Variants in FMN2 observed in about 807,000 individuals in gnomAD.
FMN2 encodes formin-2.
A neutral mutation model predicts 142.3 loss-of-function variants in FMN2; 51 were observed. That is an observed-to-expected ratio of 0.36 (90% CI 0.29 to 0.45). The LOEUF is 0.45. Ranked by LOEUF, FMN2 falls within the 20% of genes least tolerant of loss-of-function variation. The pLI is 1.00. For synonymous variants in FMN2, 882 were observed against 869.8 expected, an observed-to-expected ratio of 1.01 and a Z score of -0.25; for missense variants, 1,936 against 2,122.8, an observed-to-expected ratio of 0.91 and a Z score of 1.73.
At chr1:240,110,535 C>G (rs1248726687) in intron 1 of FMN2, among the ~76,000 whole-genome samples, 1 of 152,188 alleles carries the variant, frequency 6.6e-6, no homozygotes, top group Non-Finnish European at 1.5e-5. Flanking sequence ...TGAATAAAAA[C>G]TTACCCCCTA....
chr1:240,285,182 G>T, intron 7 of FMN2: 1 of 454,582 alleles, frequency 2.2e-6, no homozygotes, highest in Non-Finnish European at 4.4e-6. Flanking sequence ...AGAATGGGGT[G>T]GTAGGGGTGG....
At chr1:240,387,010 C>CAA (rs1673428427) in intron 14 of FMN2, among the ~76,000 whole-genome samples, 1 of 152,128 alleles carries the variant, frequency 6.6e-6, no homozygotes, top group African/African-American at 2.4e-5. Flanking sequence ...GCGGGGTGGG[C>CAA]AAAAGGGGAA....
At chr1:240,365,578 G>A (rs1672642584) in intron 14 of FMN2, among the ~76,000 whole-genome samples, 1 of 152,090 alleles carries the variant, frequency 6.6e-6, no homozygotes, top group African/African-American at 2.4e-5. Context: ...ATTTATGTGA[G>A]ACAGCCAATT....
intron 2 of FMN2, among the ~76,000 whole-genome samples, chr1:240,172,313 C>T (rs778553653): frequency 2.4e-4 from 37 of 152,050 alleles, no homozygotes; most frequent in Non-Finnish European, 4.9e-4. Context: ...GCCAAGAAAA[C>T]TCAGTTTGCT....
At chr1:240,119,614 C>T (rs933457505) in intron 1 of FMN2, among the ~76,000 whole-genome samples, 3 of 152,152 alleles carry the variant, frequency 2.0e-5, no homozygotes, top group Admixed American at 6.5e-5. Flanking sequence ...CCCCCACTAC[C>T]GCTAAACACG....
At chr1:240,102,103 A>G (rs16839420) in intron 1 of FMN2, among the ~76,000 whole-genome samples, 10,901 of 152,198 alleles carry the variant, frequency 0.072, 1,325 homozygotes, top group African/African-American at 0.25. Context: ...TTTTCCTACT[A>G]TTGAATATGC....
intron 11 of FMN2, among the ~76,000 whole-genome samples, chr1:240,331,978 T>C (rs754989630): frequency 6.6e-6 from 1 of 152,144 alleles, no homozygotes; most frequent in Non-Finnish European, 1.5e-5. Flanking sequence ...TTTGTACCAT[T>C]GTAAAGTCAA....
At chr1:240,299,171 C>A (rs887834979) in intron 8 of FMN2, among the ~76,000 whole-genome samples, 2 of 152,254 alleles carry the variant, frequency 1.3e-5, no homozygotes, top group Admixed American at 1.3e-4. Context: ...TGGTCTCGAA[C>A]TCCTGACCTC....
intron 8 of FMN2, among the ~76,000 whole-genome samples, chr1:240,313,326 A>T (rs908695499): frequency 6.6e-6 from 1 of 152,236 alleles, no homozygotes; most frequent in Non-Finnish European, 1.5e-5. Flanking sequence ...AAATGTATGG[A>T]TAATAAATCT....
At chr1:240,188,607 AT>A (rs1665578093) in intron 4 of FMN2, among the ~76,000 whole-genome samples, 2 of 152,226 alleles carry the variant, frequency 1.3e-5, no homozygotes, top group Admixed American at 1.3e-4. Context: ...TCCCATGGCT[AT>A]GATCTTTAAA....
intron 16 of FMN2, among the ~76,000 whole-genome samples, chr1:240,460,251 T>C (rs1484156921): frequency 6.6e-6 from 1 of 152,218 alleles, no homozygotes; most frequent in African/African-American, 2.4e-5. Flanking sequence ...CTAGTTCTCT[T>C]TTAAAATAAT....
intron 6 of FMN2, among the ~76,000 whole-genome samples, chr1:240,218,363 G>T (rs1361487652): frequency 6.7e-6 from 1 of 148,900 alleles, no homozygotes; most frequent in Non-Finnish European, 1.5e-5. Flanking sequence ...TGGCTAGAAT[G>T]TTCTGTGTAT....
chr1:240,160,339 G>A (rs1664227677), intron 2 of FMN2, among the ~76,000 whole-genome samples: 2 of 151,570 alleles, frequency 1.3e-5, no homozygotes, highest in Admixed American at 6.6e-5. Flanking sequence ...ATAAAGGAAT[G>A]CAAGGCTGGT....
chr1:240,203,986 T>A (rs1271618057), intron 4 of FMN2, among the ~76,000 whole-genome samples: 1 of 149,706 alleles, frequency 6.7e-6, no homozygotes, highest in Non-Finnish European at 1.5e-5. Flanking sequence ...AATAATGAGC[T>A]TTTAAGGGGA....
At chr1:240,302,379 T>G (rs912303378) in intron 8 of FMN2, among the ~76,000 whole-genome samples, 1 of 151,940 alleles carries the variant, frequency 6.6e-6, no homozygotes, top group East Asian at 1.9e-4. Flanking sequence ...TGAAAAATTC[T>G]TACACTTATC....
chr1:240,095,843 C>G (rs1040633053), intron 1 of FMN2, among the ~76,000 whole-genome samples: 1 of 152,094 alleles, frequency 6.6e-6, no homozygotes, highest in Non-Finnish European at 1.5e-5. Context: ...ATAGGAACCA[C>G]CTGGGTTTTG....
intron 16 of FMN2, among the ~76,000 whole-genome samples, chr1:240,450,407 G>A (rs10802871): frequency 0.71 from 107,245 of 152,120 alleles, 38,046 homozygotes; most frequent in East Asian, 0.88. Flanking sequence ...CCTAAGATCT[G>A]TAATAAAACA....
intron 13 of FMN2, among the ~76,000 whole-genome samples, chr1:240,344,625 A>G (rs1303692646): frequency 6.6e-6 from 1 of 152,198 alleles, no homozygotes; most frequent in African/African-American, 2.4e-5. Flanking sequence ...TAATGAGAAG[A>G]AAATTTTTCA....
In FMN2 at chr1:240,092,723, T is replaced by TGCAGCAGCAGCA. The variant is rs565189382; in HGVS notation, c.626_637dup (p.Gln209_Gln212dup). 8.7e-6 allele frequency: 14 copies of TGCAGCAGCAGCA among 1,612,828 alleles called. No homozygotes were observed. The South Asian group carries it at 1.4e-4, about 16-fold the overall frequency. On this transcript the variant is annotated inframe_insertion, in exon 1 of 18. Transcript: ENST00000319653. ...TCAGACATCCAGCAGGCGATCCGCCTGCAGCAGCAGCAGCAGCAGCAGCTC... is the reference window on the plus strand; with the variant it reads ...TCAGACATCCAGCAGGCGATCCGCCTGCAGCAGCAGCAGCAGCAGCAGCAGCAGCAGCAGCTC...
Sources: allele counts gnomAD v4.1 joint callset (sites outside exome capture counted in the v4.1 genomes callset), GRCh38; gene constraint gnomAD v4.1.1; transcripts MANE v1.5; gene names NCBI Gene and HGNC (gene_info 2026-07-23, HGNC 2026-07-21).